Variants in CCNY observed in about 807,000 individuals in gnomAD.
The protein encoded by CCNY is cyclin-Y.
CCNY carries 19 observed loss-of-function variants against 42.8 expected under a neutral mutation model. The observed-to-expected ratio is 0.44, with a 90% CI of 0.31 to 0.65. The LOEUF (loss-of-function observed/expected upper bound fraction) is 0.65. Ranked by LOEUF, CCNY falls within the 30% of genes least tolerant of loss-of-function variation. The probability of loss-of-function intolerance (pLI) is 0.07; values close to 1 mark genes in which losing one functional copy is unlikely to be tolerated. For missense variants in CCNY, 370 were observed against 437.3 expected (o/e 0.85, Z 1.37); for synonymous variants, 165 against 162.7 (o/e 1.01, Z -0.11).
chr10:35,336,903 C>G lies in CCNY; in HGVS notation c.-151C>G, dbSNP rs1836047675. 1 of 181,810 alleles carries G rather than the reference C, an allele frequency of 5.5e-6. No individual in the cohort carries two copies. The highest frequency in any genetic ancestry group is 7.4e-4 in the East Asian group (1 of 1,348). 11.3% of individuals were successfully genotyped at this position (181,810 alleles called of 1,614,324 possible). A position where few individuals can be genotyped will look rare whatever the true frequency, so the allele number is the denominator to read the frequency against. On this transcript the variant is annotated 5_prime_UTR_variant, in exon 1 of 10. Coordinates refer to ENST00000374704, the MANE Select transcript of CCNY (RefSeq NM_145012.6). ...CCCGCCGCCGCCGCCGCTGCTGACC[C>G]GGCGGCCGGCCGCCGTTCCGCCCCC... is the stretch of plus-strand genomic sequence containing the variant.
At chr10:35,294,193 A>C (rs1488473466) in intron 3 of CCNY, among the ~76,000 whole-genome samples, 2 of 152,366 alleles carry the variant, frequency 1.3e-5, no homozygotes, top group East Asian at 3.9e-4. Flanking sequence ...TCTAGATACA[A>C]GATCATTGCA....
At chr10:35,349,252 T>C (rs1836377886) in intron 1 of CCNY, among the ~76,000 whole-genome samples, 1 of 152,084 alleles carries the variant, frequency 6.6e-6, no homozygotes, top group Admixed American at 6.5e-5. Flanking sequence ...GAAGGGATGG[T>C]GTAGATGTGT....
Position 35,471,767 on chromosome 10 carries a change from C to A in CCNY, c.155-11637C>A, listed in dbSNP as rs988625691. On this transcript the variant is annotated intron_variant, in intron 1 of 9. Transcript: ENST00000374704. Reference sequence around the variant, plus strand: ...AGCTGTGTGTCTTAATAGGTATCAACATCATAAACAAAAAATAGGCTAAGA... The same window carrying A: ...AGCTGTGTGTCTTAATAGGTATCAAAATCATAAACAAAAAATAGGCTAAGA... 2.6e-5 allele frequency among the ~76,000 whole-genome samples: 4 copies of A among 152,088 alleles called. No individual in the cohort carries two copies. In the South Asian group the frequency reaches 8.3e-4, roughly 32 times the overall value.
intron 1 of CCNY, among the ~76,000 whole-genome samples, chr10:35,370,039 T>C (rs545843628): frequency 3.3e-5 from 5 of 152,344 alleles, no homozygotes; most frequent in Admixed American, 3.3e-4. Flanking sequence ...CTTTAGTTCA[T>C]ACAGGCTTCA....
intron 3 of CCNY, among the ~76,000 whole-genome samples, chr10:35,274,555 C>T (rs1835215286): frequency 2.0e-5 from 3 of 152,180 alleles, no homozygotes; most frequent in Admixed American, 2.0e-4. Flanking sequence ...ATCAAGGCCT[C>T]CAATGAACTT....
At chr10:35,250,055 A>G (rs866920815) in intron 2 of CCNY, among the ~76,000 whole-genome samples, 7 of 152,152 alleles carry the variant, frequency 4.6e-5, no homozygotes, top group Admixed American at 1.3e-4. Flanking sequence ...TTAGCTGGGC[A>G]TGGTGGCGGG....
At chr10:35,463,195 A>T (rs1564420819) in intron 1 of CCNY, among the ~76,000 whole-genome samples, 1 of 152,198 alleles carries the variant, frequency 6.6e-6, no homozygotes, top group East Asian at 1.9e-4. Flanking sequence ...ACTTTGTATG[A>T]TTTACCTTAT....
chr10:35,398,984 C>T (rs1368835840), intron 1 of CCNY, among the ~76,000 whole-genome samples: 1 of 152,224 alleles, frequency 6.6e-6, no homozygotes, highest in African/African-American at 2.4e-5. Flanking sequence ...CCTGGCCTTT[C>T]AGCTTGGTAT....
chr10:35,337,531 G>A (rs929432871), intron 1 of CCNY, among the ~76,000 whole-genome samples: 5 of 152,246 alleles, frequency 3.3e-5, no homozygotes, highest in African/African-American at 7.2e-5. Flanking sequence ...CTGGGTGGGG[G>A]CGGCCCGGGA....
chr10:35,290,264 A>ACAC (rs61407161), intron 3 of CCNY, among the ~76,000 whole-genome samples: 6 of 149,092 alleles, frequency 4.0e-5, no homozygotes, highest in South Asian at 2.1e-4. Context: ...ACACACACAC[A>ACAC]AAATTAGCTG....
upstream of CCNY, among the ~76,000 whole-genome samples, chr10:35,334,532 C>T (rs1835986941): frequency 6.6e-6 from 1 of 152,234 alleles, no homozygotes; most frequent in South Asian, 2.1e-4. Context: ...AAAATCTACA[C>T]AGCCTCAATG....
intron 3 of CCNY, among the ~76,000 whole-genome samples, chr10:35,290,239 C>CACACACAT (rs1274285446): frequency 1.3e-5 from 2 of 149,678 alleles, no homozygotes; most frequent in Non-Finnish European, 3.0e-5. Flanking sequence ...CACACACACA[C>CACACACAT]ACACACACAC....
intron 8 of CCNY, among the ~76,000 whole-genome samples, chr10:35,564,129 C>T (rs948382771): frequency 1.3e-5 from 2 of 152,138 alleles, no homozygotes; most frequent in African/African-American, 4.8e-5. Context: ...ATCCACCCGC[C>T]TCAGCCTCCC....
At chr10:35,251,000 C>G (rs924183615) in intron 3 of CCNY, 1 of 152,102 alleles carries the variant, frequency 6.6e-6, no homozygotes, top group Non-Finnish European at 1.5e-5. Flanking sequence ...TCATCCTTGC[C>G]CAGGGGCCAT....
intron 3 of CCNY, among the ~76,000 whole-genome samples, chr10:35,283,737 C>T (rs1835322948): frequency 1.3e-5 from 2 of 152,048 alleles, no homozygotes; most frequent in Admixed American, 6.6e-5. Context: ...TAATGGACGC[C>T]GTAACCACCT....
At position 35,469,642 on chromosome 10, in the gene CCNY, TCAGA is replaced by T. The variant is rs1257502815; in HGVS notation, c.155-13758_155-13755del. On this transcript the variant is annotated intron_variant, in intron 1 of 9. Coordinates refer to ENST00000374704, the MANE Select transcript of CCNY (RefSeq NM_145012.6). The stretch of plus-strand genomic sequence containing the variant: ...CAGATAGACAGGGGGAGATGGAGAG[TCAGA>T]CAGGGCAATGGAGAGTCAGACGGGA... Among the ~76,000 whole-genome samples, 14 of 100,142 alleles carry T rather than the reference TCAGA, an allele frequency of 1.4e-4. No homozygotes were observed. In the South Asian group the frequency reaches 2.2e-3, roughly 16 times the overall value. 65.7% of individuals were successfully genotyped at this position (100,142 alleles called of 152,430 possible).
chr10:35,254,437 T>C (rs1483993325), intron 3 of CCNY, among the ~76,000 whole-genome samples: 2 of 152,194 alleles, frequency 1.3e-5, no homozygotes, highest in Non-Finnish European at 2.9e-5. Flanking sequence ...GTTGCTTTCC[T>C]GTGAGTTGAG....
intron 1 of CCNY, among the ~76,000 whole-genome samples, chr10:35,464,340 A>G (rs760847409): frequency 1.6e-4 from 25 of 151,882 alleles, no homozygotes; most frequent in Non-Finnish European, 3.4e-4. Context: ...CCCCTTTCCC[A>G]CGTGGATGAT....
intron 3 of CCNY, among the ~76,000 whole-genome samples, chr10:35,295,761 T>G (rs1202911676): frequency 6.6e-6 from 1 of 152,200 alleles, no homozygotes; most frequent in Non-Finnish European, 1.5e-5. Flanking sequence ...GTGTCTGGCT[T>G]ATTTCACTTA....
Sources: gnomAD v4.1 joint callset for allele counts (sites outside exome capture counted in the v4.1 genomes callset) on GRCh38, gnomAD v4.1.1 for gene constraint, MANE v1.5 for transcripts, NCBI Gene and HGNC (gene_info 2026-07-23, HGNC 2026-07-21) for gene names.